The following KCNAB1 variants were observed in gnomAD, a reference collection of about 807,000 sequenced individuals.
The protein encoded by KCNAB1 is potassium voltage-gated channel subfamily A regulatory beta subunit 1.
KCNAB1 carries 35 observed loss-of-function variants against 64.6 expected under a neutral mutation model. The ratio of observed to expected loss-of-function variants is 0.54; its 90% CI spans 0.41 to 0.72. The LOEUF (loss-of-function observed/expected upper bound fraction) is 0.72. KCNAB1 is among the 30% of genes least tolerant of loss of function. KCNAB1 has a pLI of 0.00. For missense variants in KCNAB1, 401 were observed against 512.9 expected, an observed-to-expected ratio of 0.78 and a Z score of 2.11; for synonymous variants, 177 against 183.8, an observed-to-expected ratio of 0.96 and a Z score of 0.30.
chr3:156,157,188 AC>A (rs1458329811), intron 1 of KCNAB1, among the ~76,000 whole-genome samples: 2 of 152,240 alleles, frequency 1.3e-5, no homozygotes, highest in Non-Finnish European at 2.9e-5. Flanking sequence ...CTTACTTTCT[AC>A]ACAGCACTAT....
chr3:156,339,894 C>G lies in KCNAB1; in HGVS notation c.276-81722C>G, dbSNP rs191232186. ...TACTGGAAGACAGGATGATCCAGTT[C>G]ATTCCTTGTCTTTTCTGTCACATTT... On this transcript the variant is annotated intron_variant, in intron 1 of 13. Coordinates refer to ENST00000490337, the MANE Select transcript of KCNAB1 (RefSeq NM_172160.3). 2.6e-5 allele frequency among the ~76,000 whole-genome samples: 4 copies of G among 152,326 alleles called. No homozygotes were observed. In the East Asian group the frequency reaches 7.7e-4, roughly 29 times the overall value.
chr3:156,221,188 T>G (rs1715707982), intron 1 of KCNAB1, among the ~76,000 whole-genome samples: 1 of 152,246 alleles, frequency 6.6e-6, no homozygotes, highest in Non-Finnish European at 1.5e-5. Context: ...TAGGATTGTC[T>G]TGGCTATGTG....
Position 156,176,548 on chromosome 3 carries a change from A to G in KCNAB1, c.275+55662A>G, listed in dbSNP as rs190170977. 798 of 811,208 alleles carry G rather than the reference A, an allele frequency of 9.8e-4. 1 individual carries two copies. Among genetic ancestry groups the G allele is most frequent in the Non-Finnish European group, 1.2e-3 (518 of 446,196 alleles). The allele number at this position is 811,208 out of a possible 1,614,324, so 50.3% of individuals were successfully genotyped here. On this transcript the variant is annotated intron_variant, in intron 1 of 13. Transcript: ENST00000490337. ...TGGATGCTGGGAAGAGCATACTGCC[A>G]TCTGTGTTGTAATGCAGTTCCATCA...
Position 156,120,898 on chromosome 3 carries a change from C to T in KCNAB1, c.275+12C>T, listed in dbSNP as rs755250066. On this transcript the variant is annotated intron_variant, in intron 1 of 13. Coordinates refer to ENST00000490337, the MANE Select transcript of KCNAB1 (RefSeq NM_172160.3). ...GGCATGCCGCACAGGTAAGCTGCCC[C>T]TGCTCTGCGCGGGCTTTGGGAGACG... The T allele has an allele frequency of 6.2e-7, 1 of 1,612,022 alleles. No homozygotes were observed.
At chr3:156,144,809 A>G (rs1029918829) in intron 1 of KCNAB1, among the ~76,000 whole-genome samples, 3 of 152,252 alleles carry the variant, frequency 2.0e-5, no homozygotes, top group Non-Finnish European at 4.4e-5. Flanking sequence ...GAATTGTTAC[A>G]TAAACCTTTA....
At chr3:156,226,721 G>GAAAAA (rs5853745) in intron 1 of KCNAB1, among the ~76,000 whole-genome samples, 11 of 151,682 alleles carry the variant, frequency 7.3e-5, no homozygotes, top group African/African-American at 2.7e-4. Context: ...AAAAAGAAAA[G>GAAAAA]CTCATCTGCA....
At chr3:156,357,792 T>G (rs1336340254) in intron 1 of KCNAB1, among the ~76,000 whole-genome samples, 2 of 108,746 alleles carry the variant, frequency 1.8e-5, no homozygotes, top group African/African-American at 5.9e-5. Context: ...TATTTTATAT[T>G]TTTATACTAA....
At chr3:156,485,035 T>G (rs890954601) in intron 8 of KCNAB1, among the ~76,000 whole-genome samples, 1 of 152,120 alleles carries the variant, frequency 6.6e-6, no homozygotes, top group Non-Finnish European at 1.5e-5. Context: ...AGTGGAAACA[T>G]GTTATAAATT....
At chr3:156,524,232 G>A in intron 12 of KCNAB1, 1 of 237,550 alleles carries the variant, frequency 4.2e-6, no homozygotes, top group Non-Finnish European at 8.0e-6. Context: ...GGTGAACTGT[G>A]TAGTGACATC....
At chr3:156,156,041 T>A (rs1715691466) in intron 1 of KCNAB1, among the ~76,000 whole-genome samples, 1 of 152,154 alleles carries the variant, frequency 6.6e-6, no homozygotes, top group African/African-American at 2.4e-5. Flanking sequence ...ACTACCTGTG[T>A]GTTTGACCTT....
At chr3:156,398,839 G>T (rs1713680228) in intron 1 of KCNAB1, among the ~76,000 whole-genome samples, 1 of 152,106 alleles carries the variant, frequency 6.6e-6, no homozygotes, top group African/African-American at 2.4e-5. Context: ...ATAGTGGGTT[G>T]TCTCCTGGAG....
At chr3:156,499,974 T>A in intron 8 of KCNAB1, among the ~76,000 whole-genome samples, 1 of 152,158 alleles carries the variant, frequency 6.6e-6, no homozygotes, top group East Asian at 1.9e-4. Context: ...CAAATTTTCA[T>A]ATGGGGGTGA....
intron 1 of KCNAB1, among the ~76,000 whole-genome samples, chr3:156,134,482 G>A (rs1023781631): frequency 1.3e-5 from 2 of 152,196 alleles, no homozygotes; most frequent in Non-Finnish European, 2.9e-5. Flanking sequence ...TACTCAACCA[G>A]GAGGTTTGAA....
chr3:156,370,998 TC>T (rs1726267378), intron 1 of KCNAB1, among the ~76,000 whole-genome samples: 1 of 152,160 alleles, frequency 6.6e-6, no homozygotes, highest in Non-Finnish European at 1.5e-5. Context: ...AGGCCTCAAT[TC>T]CTTGGATGGT....
chr3:156,469,325 C>T (rs1184233046), intron 7 of KCNAB1, among the ~76,000 whole-genome samples: 4 of 139,124 alleles, frequency 2.9e-5, no homozygotes, highest in Non-Finnish European at 6.0e-5. Context: ...GGCACGATCT[C>T]GGCTCACTGC....
intron 8 of KCNAB1, among the ~76,000 whole-genome samples, chr3:156,478,117 A>T (rs1272387827): frequency 2.0e-5 from 3 of 152,160 alleles, no homozygotes; most frequent in Admixed American, 2.0e-4. Flanking sequence ...TATTTTTCAA[A>T]TGTGGTGAAA....
chr3:156,368,029 A>C (rs1200170366), intron 1 of KCNAB1, among the ~76,000 whole-genome samples: 1 of 152,218 alleles, frequency 6.6e-6, no homozygotes, highest in East Asian at 1.9e-4. Context: ...TGTGAAATGA[A>C]AGGCTCTAGG....
intron 8 of KCNAB1, among the ~76,000 whole-genome samples, chr3:156,484,185 C>T (rs942394348): frequency 1.3e-5 from 2 of 151,984 alleles, no homozygotes; most frequent in Non-Finnish European, 2.9e-5. Context: ...CTTTACTCAA[C>T]AGCGAAGGCA....
chr3:156,410,900 A>T (rs1461725452), intron 1 of KCNAB1, among the ~76,000 whole-genome samples: 1 of 152,216 alleles, frequency 6.6e-6, no homozygotes, highest in Non-Finnish European at 1.5e-5. Flanking sequence ...AGCTGCTATG[A>T]ATATTTATAT....
Sources: gnomAD v4.1 joint callset for allele counts (sites outside exome capture counted in the v4.1 genomes callset) on GRCh38, gnomAD v4.1.1 for gene constraint, MANE v1.5 for transcripts, NCBI Gene and HGNC (gene_info 2026-07-23, HGNC 2026-07-21) for gene names.